DNAH9: variants seen among roughly 807,000 people sequenced by gnomAD.
DNAH9 encodes dynein axonemal heavy chain 9.
In DNAH9, 345 loss-of-function variants were observed where a neutral mutation model predicts 471.6. That is an observed-to-expected ratio of 0.73 (90% confidence interval 0.67 to 0.80). The LOEUF is 0.80. Ranked by LOEUF, DNAH9 falls within the 30% of genes least tolerant of loss-of-function variation. The probability of loss-of-function intolerance (pLI) is 0.00; values close to 1 mark genes in which losing one functional copy is unlikely to be tolerated. For synonymous variants in DNAH9, 2,093 were observed against 2,123.6 expected (o/e 0.99, Z 0.40); for missense variants, 5,407 against 5,609.2 (o/e 0.96, Z 1.15).
chr17:11,762,757 C>CGTTTTTTTTGTT (rs1567783063), intron 35 of DNAH9, among the ~76,000 whole-genome samples: 25 of 55,994 alleles, frequency 4.5e-4, no homozygotes, highest in South Asian at 6.5e-4. Context: ...TCTTTAGGTG[C>CGTTTTTTTTGTT]GTTTTTTTTT....
intron 67 of DNAH9, among the ~76,000 whole-genome samples, chr17:11,943,840 A>G (rs117216328): frequency 1.0e-3 from 154 of 152,356 alleles, no homozygotes; most frequent in Non-Finnish European, 2.0e-3. Flanking sequence ...ACGTTTCCAA[A>G]TTCTGTGCCA....
At chr17:11,931,961 C>T (rs551108363) in intron 63 of DNAH9, 53 bp from the exon 64 acceptor site, 45 of 1,589,168 alleles carry the variant, frequency 2.8e-5, no homozygotes, top group Admixed American at 8.5e-5. Flanking sequence ...CCCTAGCCAG[C>T]CCCGTATAAG....
chr17:11,679,421 A>C (rs545536580), intron 17 of DNAH9, among the ~76,000 whole-genome samples: 1 of 152,350 alleles, frequency 6.6e-6, no homozygotes, highest in East Asian at 1.9e-4. Flanking sequence ...AAAGGTCTGC[A>C]CCTATCACAG....
chr17:11,950,737 C>T (rs1228661579), intron 67 of DNAH9, among the ~76,000 whole-genome samples: 1 of 152,108 alleles, frequency 6.6e-6, no homozygotes, highest in East Asian at 1.9e-4. Flanking sequence ...TATGCCTTCA[C>T]GGTTTTCAGA....
intron 67 of DNAH9, among the ~76,000 whole-genome samples, chr17:11,949,426 A>G (rs969045547): frequency 2.6e-4 from 39 of 151,640 alleles, no homozygotes; most frequent in African/African-American, 8.8e-4. Context: ...AGAGGAGTTT[A>G]GGAAACTGGT....
chr17:11,771,195 C>T (rs1274446195), intron 38 of DNAH9, among the ~76,000 whole-genome samples: 2 of 152,096 alleles, frequency 1.3e-5, no homozygotes, highest in East Asian at 1.9e-4. Flanking sequence ...TGGCATGAGG[C>T]TTGGCTCACT....
chr17:11,873,947 T>TA (rs533223053), intron 52 of DNAH9, among the ~76,000 whole-genome samples: 15 of 151,896 alleles, frequency 9.9e-5, no homozygotes, highest in East Asian at 9.6e-4. Flanking sequence ...AGATTGCCTG[T>TA]AAAAAAAATT....
chr17:11,877,340 G>A (rs1239616769), intron 53 of DNAH9, among the ~76,000 whole-genome samples: 1 of 151,394 alleles, frequency 6.6e-6, no homozygotes, highest in African/African-American at 2.4e-5. Context: ...GGGCGTGGTA[G>A]CAGACGCCTG....
At chr17:11,743,414 C>G (rs565568860) in intron 30 of DNAH9, among the ~76,000 whole-genome samples, 1 of 152,230 alleles carries the variant, frequency 6.6e-6, no homozygotes, top group South Asian at 2.1e-4. Flanking sequence ...GTTTTTCCAC[C>G]TCTCTTCTAA....
At chr17:11,958,731 T>TAAGAAAAAA (rs1975810880) in intron 67 of DNAH9, among the ~76,000 whole-genome samples, 1 of 145,282 alleles carries the variant, frequency 6.9e-6, no homozygotes. Context: ...AAAACTGCCC[T>TAAGAAAAAA]AAAAAAAAAA....
At chr17:11,803,304 A>C (rs1263176184) in intron 43 of DNAH9, among the ~76,000 whole-genome samples, 2 of 152,086 alleles carry the variant, frequency 1.3e-5, no homozygotes, top group African/African-American at 4.8e-5. Context: ...ATCACTTAGC[A>C]ATCATTAACA....
chr17:11,879,221 GAAAT>G (rs1292538995), intron 53 of DNAH9, among the ~76,000 whole-genome samples: 14 of 151,936 alleles, frequency 9.2e-5, no homozygotes, highest in African/African-American at 2.2e-4. Flanking sequence ...AAAAAACAAA[GAAAT>G]AAAAACTTCT....
chr17:11,837,355 T>A (rs1970882749), intron 49 of DNAH9, among the ~76,000 whole-genome samples: 1 of 152,192 alleles, frequency 6.6e-6, no homozygotes, highest in Non-Finnish European at 1.5e-5. Context: ...TATAGCTTGG[T>A]GCAAGTCACT....
rs1304412243 is a variant in DNAH9 at position 11,699,892 on chromosome 17, G to A, written c.5025+9G>A. 6.2e-7 allele frequency: 1 copy of A among 1,613,844 alleles called. No homozygotes were observed. Among genetic ancestry groups the A allele is most frequent in the Non-Finnish European group, 8.5e-7 (1 of 1,179,782 alleles). On this transcript the variant is annotated intron_variant, in intron 23 of 68. Coordinates refer to ENST00000262442, the MANE Select transcript of DNAH9 (RefSeq NM_001372.4). The stretch of plus-strand genomic sequence containing the variant: ...GTGACTGCAGCGGGCAGGTAACACA[G>A]TAGCCCTTTCCCCTCCTTCTGCTTT...
intron 66 of DNAH9, among the ~76,000 whole-genome samples, chr17:11,941,407 T>C (rs1974903117): frequency 6.6e-6 from 1 of 152,202 alleles, no homozygotes; most frequent in African/African-American, 2.4e-5. Context: ...TTTCTTTCTC[T>C]GCTGACAGAC....
chr17:11,897,917 G>A (rs1245642413), intron 59 of DNAH9, among the ~76,000 whole-genome samples: 1 of 152,152 alleles, frequency 6.6e-6, no homozygotes, highest in Non-Finnish European at 1.5e-5. Context: ...GCTGAAAGCT[G>A]AAATTAAGGT....
Position 11,719,442 on chromosome 17 carries a change from G to A in DNAH9, c.5661G>A (p.Leu1887=). The A allele has an allele frequency of 6.2e-7, 1 of 1,613,846 alleles. No individual in the cohort carries two copies. Among genetic ancestry groups the A allele is most frequent in the Non-Finnish European group, 8.5e-7 (1 of 1,179,958 alleles). The change falls in exon 27 of 69, where the codon CTG becomes CTA. Residue 1887 remains leucine (L), a synonymous_variant. Transcript: ENST00000262442. The part of the protein sequence containing the change: ...TETTKDLGRA[L]GILVYVFNCS... ...CCACCAAGGACCTGGGCCGCGCACTGGGCATCCTGGTCTATGTGTTCAACT... is the reference window on the plus strand; with the variant it reads ...CCACCAAGGACCTGGGCCGCGCACTAGGCATCCTGGTCTATGTGTTCAACT...
intron 50 of DNAH9, among the ~76,000 whole-genome samples, chr17:11,857,327 C>G (rs1056236719): frequency 1.3e-5 from 2 of 152,112 alleles, no homozygotes; most frequent in African/African-American, 4.8e-5. Flanking sequence ...TGTATTCTTG[C>G]TTTTAACAAC....
Position 11,883,712 on chromosome 17 carries a change from G to C in DNAH9, c.10933G>C (p.Glu3645Gln). 2.4e-5 allele frequency: 39 copies of C among 1,614,146 alleles called. No homozygotes were observed. The highest frequency in any genetic ancestry group is 3.1e-5 in the Non-Finnish European group (37 of 1,180,012). The change falls in exon 56 of 69, where the codon GAG becomes CAG. Residue 3645 changes from glutamate (E) to glutamine (Q), a missense_variant. Physicochemically the swap from Glu to Gln is conservative, Grantham distance 29. Transcript: ENST00000262442. ...LGETVLVENL[E>Q]ITKQTAAEVE... ...AGAAACAGTGCTGGTGGAAAACCTA[G>C]AGATCACCAAGCAGACTGCTGCCGA...
Sources: gnomAD v4.1 joint callset for allele counts (sites outside exome capture counted in the v4.1 genomes callset) on GRCh38, gnomAD v4.1.1 for gene constraint, MANE v1.5 for transcripts, NCBI Gene and HGNC (gene_info 2026-07-23, HGNC 2026-07-21) for gene names.